LRRC4C: variants seen among roughly 807,000 people sequenced by gnomAD.
LRRC4C encodes the protein leucine-rich repeat-containing protein 4C.
In LRRC4C, 5 loss-of-function variants were observed where a neutral mutation model predicts 33.6. The observed-to-expected ratio is 0.15, with a 90% CI of 0.08 to 0.31. LRRC4C has a LOEUF of 0.31. Among genes scored for constraint, LRRC4C ranks in the 10% least tolerant of loss-of-function variants. LRRC4C has a pLI of 1.00. For missense variants in LRRC4C, 560 were observed against 796.7 expected, an observed-to-expected ratio of 0.70 and a Z score of 3.58; for synonymous variants, 329 against 302.0, an observed-to-expected ratio of 1.09 and a Z score of -0.93.
chr11:40,587,478 G>A (rs1418719973), intron 3 of LRRC4C, among the ~76,000 whole-genome samples: 4 of 142,834 alleles, frequency 2.8e-5, no homozygotes, highest in African/African-American at 5.3e-5. Context: ...TCCTTCTCCT[G>A]CCTAATTGCC....
intron 3 of LRRC4C, among the ~76,000 whole-genome samples, chr11:40,442,007 C>CA (rs767456048): frequency 4.6e-4 from 70 of 151,610 alleles, no homozygotes; most frequent in South Asian, 1.0e-3. Flanking sequence ...CTAAAAAATA[C>CA]AAAAAATTAG....
At chr11:41,281,604 C>T (rs1225084066) in intron 1 of LRRC4C, among the ~76,000 whole-genome samples, 1 of 152,234 alleles carries the variant, frequency 6.6e-6, no homozygotes, top group Non-Finnish European at 1.5e-5. Context: ...ACCTGCTACA[C>T]ATCAGAGTCA....
chr11:41,165,657 A>G (rs911271739), intron 1 of LRRC4C, among the ~76,000 whole-genome samples: 1 of 152,156 alleles, frequency 6.6e-6, no homozygotes, highest in African/African-American at 2.4e-5. Context: ...TAAATTATGC[A>G]CCATCTCTCC....
At chr11:41,290,542 G>A (rs1181844116) in intron 1 of LRRC4C, among the ~76,000 whole-genome samples, 1 of 152,036 alleles carries the variant, frequency 6.6e-6, no homozygotes, top group Non-Finnish European at 1.5e-5. Context: ...TTCACACGGA[G>A]GCAAACTCAT....
rs146158464 is a variant in LRRC4C at position 40,859,360 on chromosome 11, T to C, written c.-407+74275A>G. On this transcript the variant is annotated intron_variant, in intron 2 of 6. Coordinates refer to ENST00000528697, the MANE Select transcript of LRRC4C (RefSeq NM_001258419.2). Reference sequence around the variant, plus strand: ...GTCCGTAGTAATGAAATGAGATTCATGCTTGAGAGGCTCGTAGACTTATGT... The same window carrying C: ...GTCCGTAGTAATGAAATGAGATTCACGCTTGAGAGGCTCGTAGACTTATGT... 1.5e-4 allele frequency among the ~76,000 whole-genome samples: 23 copies of C among 152,250 alleles called. No individual in the cohort carries two copies. The East Asian group carries it at 4.1e-3, about 27-fold the overall frequency.
intron 2 of LRRC4C, among the ~76,000 whole-genome samples, chr11:40,861,985 G>C (rs1303115498): frequency 2.0e-5 from 3 of 152,106 alleles, no homozygotes; most frequent in South Asian, 4.1e-4. Context: ...TCTCCTATGG[G>C]GGATCACATT....
At chr11:40,305,309 T>C (rs1482666069) in intron 4 of LRRC4C, among the ~76,000 whole-genome samples, 1 of 152,242 alleles carries the variant, frequency 6.6e-6, no homozygotes, top group Non-Finnish European at 1.5e-5. Flanking sequence ...TGGAGTTGTC[T>C]ACCTCTGCTG....
intron 1 of LRRC4C, among the ~76,000 whole-genome samples, chr11:41,095,360 T>G (rs1352115993): frequency 6.6e-6 from 1 of 152,116 alleles, no homozygotes. Context: ...CAATTCTAGA[T>G]AAGATTTGGG....
chr11:41,287,952 C>A (rs1182987731), intron 1 of LRRC4C, among the ~76,000 whole-genome samples: 3 of 152,160 alleles, frequency 2.0e-5, no homozygotes, highest in Non-Finnish European at 1.5e-5. Context: ...ACTTGTTATG[C>A]AATCTTCTGA....
chr11:40,641,854 A>G (rs1290059133), intron 3 of LRRC4C, among the ~76,000 whole-genome samples: 1 of 152,160 alleles, frequency 6.6e-6, no homozygotes, highest in Non-Finnish European at 1.5e-5. Context: ...ATTTGCGAAT[A>G]GTTATTTCCT....
intron 3 of LRRC4C, among the ~76,000 whole-genome samples, chr11:40,522,682 G>A (rs953726049): frequency 7.9e-5 from 12 of 152,072 alleles, no homozygotes; most frequent in Non-Finnish European, 1.8e-4. Flanking sequence ...CTGAAACTCT[G>A]AACTCATTAA....
chr11:41,274,346 G>A (rs1244738722), intron 1 of LRRC4C, among the ~76,000 whole-genome samples: 1 of 152,030 alleles, frequency 6.6e-6, no homozygotes, highest in Non-Finnish European at 1.5e-5. Flanking sequence ...ACGGGATCAA[G>A]GGCCAAAGAT....
At chr11:41,403,946 G>A (rs781168123) in intron 1 of LRRC4C, among the ~76,000 whole-genome samples, 1 of 147,748 alleles carries the variant, frequency 6.8e-6, no homozygotes, top group Non-Finnish European at 1.5e-5. Flanking sequence ...GTGAGCATGG[G>A]AACACACACA....
chr11:40,927,922 C>T (rs959863302), intron 2 of LRRC4C, among the ~76,000 whole-genome samples: 3 of 151,800 alleles, frequency 2.0e-5, no homozygotes, highest in African/African-American at 4.8e-5. Context: ...GTTGTGTCAG[C>T]GGGGGAAAAA....
intron 2 of LRRC4C, among the ~76,000 whole-genome samples, chr11:40,754,162 G>T (rs1948828915): frequency 6.6e-6 from 1 of 151,782 alleles, no homozygotes; most frequent in Admixed American, 6.6e-5. Flanking sequence ...CATAATTTAT[G>T]TATTTTTCTC....
intron 5 of LRRC4C, among the ~76,000 whole-genome samples, chr11:40,225,343 G>A (rs1864709482): frequency 6.6e-6 from 1 of 152,116 alleles, no homozygotes; most frequent in Admixed American, 6.5e-5. Context: ...TTAACAAGGT[G>A]AGCTAGGGAA....
At position 40,514,164 on chromosome 11, in the gene LRRC4C, T is replaced by C. The variant is rs141778235; in HGVS notation, c.-270+133978A>G. Among the ~76,000 whole-genome samples the C allele has an allele frequency of 6.6e-3, 1,003 of 152,324 alleles. 4 individuals are homozygous for C. The highest frequency in any genetic ancestry group is 9.6e-3 in the Non-Finnish European group (653 of 68,026). On this transcript the variant is annotated intron_variant, in intron 3 of 6. Transcript: ENST00000528697. ...ACAAAGACCTGGGTTCAAACCCTTG[T>C]TTGGTTGGGTAAAATTGCATACGTT...
intron 3 of LRRC4C, among the ~76,000 whole-genome samples, chr11:40,631,294 AC>A (rs1013009720): frequency 1.3e-5 from 2 of 152,140 alleles, no homozygotes; most frequent in African/African-American, 4.8e-5. Context: ...AAGTTAAATC[AC>A]ACTGGAGATG....
intron 3 of LRRC4C, among the ~76,000 whole-genome samples, chr11:40,513,958 C>A (rs909670110): frequency 3.3e-5 from 5 of 152,164 alleles, no homozygotes; most frequent in Non-Finnish European, 7.3e-5. Context: ...ACTGTCTCAC[C>A]TTAAACTCTC....
Sources: allele counts gnomAD v4.1 joint callset (sites outside exome capture counted in the v4.1 genomes callset), GRCh38; gene constraint gnomAD v4.1.1; transcripts MANE v1.5; gene names NCBI Gene and HGNC (gene_info 2026-07-23, HGNC 2026-07-21).